PFKFB4: variants seen among roughly 807,000 people sequenced by gnomAD.
PFKFB4 encodes the protein 6-phosphofructo-2-kinase/fructose-2,6-biphosphatase 4, also known as 6-phosphofructo-2-kinase/fructose-2,6-bisphosphatase 4.
PFKFB4 carries 42 observed loss-of-function variants against 62.8 expected under a neutral mutation model. The observed-to-expected ratio is 0.67, with a 90% CI of 0.52 to 0.86. The LOEUF (loss-of-function observed/expected upper bound fraction) is 0.86, where lower values mean the gene tolerates loss of function less well. Among genes scored for constraint, PFKFB4 ranks in the 40% least tolerant of loss-of-function variants. The pLI, the probability that PFKFB4 is intolerant of heterozygous loss-of-function variation, is 0.00. For synonymous variants in PFKFB4, 204 were observed against 240.7 expected (o/e 0.85, Z 1.41); for missense variants, 475 against 627.2 (o/e 0.76, Z 2.59).
intron 9 of PFKFB4, among the ~76,000 whole-genome samples, chr3:48,534,189 A>G (rs1385938734): frequency 6.6e-6 from 1 of 152,224 alleles, no homozygotes; most frequent in African/African-American, 2.4e-5. Context: ...GGAAAAAAAG[A>G]CAGAGAAGAA....
chr3:48,522,415 C>T (rs1160427899), intron 12 of PFKFB4, among the ~76,000 whole-genome samples: 1 of 152,206 alleles, frequency 6.6e-6, no homozygotes, highest in African/African-American at 2.4e-5. Context: ...CCCAGTCAAC[C>T]GTGTGCCAGG....
At chr3:48,561,198 G>GT, upstream of PFKFB4, 1 of 693,908 alleles carries the variant, frequency 1.4e-6, no homozygotes, top group Non-Finnish European at 2.0e-6. The surrounding 1 kb of genome is among the most constrained non-coding windows in gnomAD (Gnocchi z 5.2). Context: ...AGAGAGAGAA[G>GT]CGACTCCTGC....
chr3:48,529,828 C>G (rs1262311025), intron 9 of PFKFB4, among the ~76,000 whole-genome samples: 1 of 151,774 alleles, frequency 6.6e-6, no homozygotes, highest in African/African-American at 2.4e-5. Context: ...GTGTTGCACA[C>G]CTGTGGTCCC....
chr3:48,549,452 C>A (rs2043060527), intron 3 of PFKFB4, among the ~76,000 whole-genome samples: 1 of 152,146 alleles, frequency 6.6e-6, no homozygotes, highest in Non-Finnish European at 1.5e-5. Flanking sequence ...CAGCAGCCAT[C>A]CCCACGGGGC....
chr3:48,539,033 T>C (rs922595416), intron 6 of PFKFB4, among the ~76,000 whole-genome samples: 1 of 152,042 alleles, frequency 6.6e-6, no homozygotes, highest in African/African-American at 2.4e-5. Context: ...TCTCCTAGTG[T>C]CCAGGTGGTT....
At chr3:48,530,769 A>G (rs1320501471) in intron 9 of PFKFB4, among the ~76,000 whole-genome samples, 1 of 152,008 alleles carries the variant, frequency 6.6e-6, no homozygotes, top group Admixed American at 6.6e-5. Flanking sequence ...GTGTAGTGAC[A>G]TATCTTGGCT....
At position 48,525,616 on chromosome 3, in the gene PFKFB4, C is replaced by T. The variant is rs2042231669; in HGVS notation, c.1041G>A (p.Glu347=). 2 of 1,609,162 alleles carry T rather than the reference C, an allele frequency of 1.2e-6. No individual in the cohort carries two copies. The highest frequency in any genetic ancestry group is 8.5e-7 in the Non-Finnish European group (1 of 1,177,326). ...ACTTGTCCTGGTCCCGCAGGGCGAACTCCAGTGGATAATTATCCTGAATTT... is the reference window on the plus strand; with the variant it reads ...ACTTGTCCTGGTCCCGCAGGGCGAATTCCAGTGGATAATTATCCTGAATTT... ...YEEIQDNYPL[E]FALRDQDKYR... Residue 347 remains glutamate, a synonymous_variant, in exon 10 of 14, where the codon GAG becomes GAA. Coordinates refer to ENST00000232375, the MANE Select transcript of PFKFB4 (RefSeq NM_004567.4).
chr3:48,539,859 G>A (rs2042747139), intron 4 of PFKFB4, 88 bp from the exon 5 acceptor site: 1 of 1,007,184 alleles, frequency 9.9e-7, no homozygotes, highest in Non-Finnish European at 1.6e-6. Context: ...GAGGGCCGCA[G>A]CACAGGCTCT....
intron 1 of PFKFB4, among the ~76,000 whole-genome samples, chr3:48,552,569 C>T (rs1214667110): frequency 6.6e-6 from 1 of 152,218 alleles, no homozygotes; most frequent in Non-Finnish European, 1.5e-5. Flanking sequence ...GGCCGGTGGA[C>T]AGCTGAGGCC....
intron 8 of PFKFB4, 52 bp downstream of exon 8, chr3:48,536,204 C>A (rs371611467): frequency 6.7e-7 from 1 of 1,501,150 alleles, no homozygotes; most frequent in Admixed American, 1.7e-5. Flanking sequence ...TACCCAGCCA[C>A]GCAGGGTACA....
rs759958236 is a variant in PFKFB4, at chr3:48,550,151, G to A, written c.181C>T (p.Arg61Ter). The A allele has an allele frequency of 1.6e-5, 26 of 1,613,836 alleles. No homozygotes were observed. Among genetic ancestry groups the A allele is most frequent in the Admixed American group, 6.7e-5 (4 of 60,010 alleles). Residue 61 changes from arginine (R) to a stop codon, truncating the protein, a stop_gained, in exon 2 of 14, where the codon CGA (arginine) becomes TGA (stop). Coordinates refer to ENST00000232375, the MANE Select transcript of PFKFB4 (RefSeq NM_004567.4). LOFTEE classifies it high-confidence loss of function. ...GKTYISKKLT[R>*]YLNWIGVPTR... ...GGCACACCAATCCAGTTCAGGTATC[G>A]AGTCAGCTTCTTGGAGATGTAGGTC...
At chr3:48,529,659 T>C (rs1207165298) in intron 9 of PFKFB4, among the ~76,000 whole-genome samples, 1 of 152,126 alleles carries the variant, frequency 6.6e-6, no homozygotes, top group African/African-American at 2.4e-5. Flanking sequence ...ACAAAATGAG[T>C]TATAAAAATT....
At chr3:48,534,999 G>C (rs2042548197) in intron 9 of PFKFB4, among the ~76,000 whole-genome samples, 1 of 152,056 alleles carries the variant, frequency 6.6e-6, no homozygotes, top group South Asian at 2.1e-4. Context: ...AGTAGAGATG[G>C]GGTTTCACCA....
rs2041999144 is a variant in PFKFB4, at chr3:48,518,881, G to A, written c.*866C>T. 1 of 152,284 alleles carries A rather than the reference G, an allele frequency of 6.6e-6. No homozygotes were observed. The highest frequency in any genetic ancestry group is 2.1e-4 in the South Asian group (1 of 4,838). The allele number at this position is 152,284 out of a possible 1,614,324, so 9.4% of individuals were successfully genotyped here. On this transcript the variant is annotated 3_prime_UTR_variant, in exon 14 of 14. Coordinates refer to ENST00000232375, the MANE Select transcript of PFKFB4 (RefSeq NM_004567.4). ...GCCAGTGTCCACAGCCAGGGAAGGG[G>A]AGAGGGGGCGGCAGCCTCTCCCTCG...
At chr3:48,542,115 G>C (rs2042817698) in intron 4 of PFKFB4, among the ~76,000 whole-genome samples, 1 of 152,196 alleles carries the variant, frequency 6.6e-6, no homozygotes, top group South Asian at 2.1e-4. Flanking sequence ...GGGAGGCAGA[G>C]GCAGGCGGAT....
intron 4 of PFKFB4, among the ~76,000 whole-genome samples, chr3:48,542,459 G>A (rs1476436657): frequency 1.3e-5 from 2 of 152,128 alleles, no homozygotes; most frequent in Middle Eastern, 3.2e-3. Context: ...GAGTAGGGAT[G>A]GAGTGAGTTG....
At chr3:48,540,193 G>A (rs762250881) in intron 4 of PFKFB4, among the ~76,000 whole-genome samples, 1 of 152,172 alleles carries the variant, frequency 6.6e-6, no homozygotes, top group Non-Finnish European at 1.5e-5. Context: ...GGGAACAGAA[G>A]GATAAAGAGA....
At chr3:48,532,424 C>T (rs181593726) in intron 9 of PFKFB4, among the ~76,000 whole-genome samples, 43 of 152,318 alleles carry the variant, frequency 2.8e-4, no homozygotes, top group Non-Finnish European at 6.0e-4. Context: ...CTCAAAGAGA[C>T]ATTTGTATCC....
At chr3:48,519,830 T>C (rs1306093413) in intron 13 of PFKFB4, 24 bp from the exon 14 acceptor site, 1 of 1,602,666 alleles carries the variant, frequency 6.2e-7, no homozygotes. Flanking sequence ...ACACAGAGCG[T>C]TCACTCCATG....
Sources: gnomAD v4.1 joint callset for allele counts (sites outside exome capture counted in the v4.1 genomes callset) on GRCh38, gnomAD v4.1.1 for gene constraint, Gnocchi (gnomAD v3.1) non-coding constraint, MANE v1.5 for transcripts, NCBI Gene and HGNC (gene_info 2026-07-23, HGNC 2026-07-21) for gene names.